NHLRC3: variants seen among roughly 807,000 people sequenced by gnomAD.
NHLRC3 encodes NHL repeat containing 3.
Under a neutral mutation model 32.0 loss-of-function variants are expected in NHLRC3, and 23 were observed. The ratio of observed to expected loss-of-function variants is 0.72; its 90% CI spans 0.52 to 1.02. NHLRC3 has a LOEUF of 1.02. Among genes scored for constraint, NHLRC3 ranks in the 50% least tolerant of loss-of-function variants. The pLI is 0.00. For missense variants in NHLRC3, 407 were observed against 406.8 expected, an observed-to-expected ratio of 1.00 and a Z score of -0.01; for synonymous variants, 159 against 147.9, an observed-to-expected ratio of 1.08 and a Z score of -0.55.
intron 4 of NHLRC3, among the ~76,000 whole-genome samples, chr13:39,043,225 A>G (rs1459302560): frequency 1.5e-5 from 2 of 136,652 alleles, no homozygotes; most frequent in African/African-American, 3.6e-5. Context: ...AAAAAATTGA[A>G]TGAAAGAAAC....
In NHLRC3 at chr13:39,039,203, G is replaced by A. The variant is rs767190032; in HGVS notation, c.152G>A (p.Gly51Asp). The A allele has an allele frequency of 5.6e-6, 9 of 1,613,868 alleles. No homozygotes were observed. Among genetic ancestry groups the A allele is most frequent in the Non-Finnish European group, 7.6e-6 (9 of 1,179,790 alleles). Residue 51 changes from glycine (G) to aspartate (D), a missense_variant, in exon 2 of 7, where the codon GGT (glycine) becomes GAT (aspartate). Gly to Asp is a moderately conservative substitution (Grantham distance 94). Transcript: ENST00000379600. ...AAAATTCTTTACCGGCTGGATGTGG[G>A]TTGGCCTAAGCACCCAGAATATTTT... is the stretch of plus-strand genomic sequence containing the variant. ...TEKILYRLDV[G>D]WPKHPEYFTG...
chr13:39,041,788 A>C, intron 3 of NHLRC3: 1 of 251,936 alleles, frequency 4.0e-6, no homozygotes, highest in South Asian at 6.3e-5. Flanking sequence ...TCAAGGTCAT[A>C]AGATTAAAAA....
At chr13:39,040,668 G>A (rs866985366) in intron 3 of NHLRC3, 9 of 152,284 alleles carry the variant, frequency 5.9e-5, no homozygotes, top group Middle Eastern at 3.4e-3. Flanking sequence ...AGGAAGAAAT[G>A]GGATTATAAA....
At chr13:39,039,942 G>C (rs1352595127) in intron 3 of NHLRC3, 1 of 253,250 alleles carries the variant, frequency 3.9e-6, no homozygotes, top group Non-Finnish European at 7.7e-6. Flanking sequence ...TTGGGAGGCC[G>C]AGGCGGGCGG....
rs772746364 is a variant in NHLRC3, at chr13:39,047,937, CT to C, written c.*12del. ...TCATTTGGTTCATAATGTTTCTTTCCTGGGAATATTTCAAGTGGCAGTTCAG... is the reference window on the plus strand; with the variant it reads ...TCATTTGGTTCATAATGTTTCTTTCCGGGAATATTTCAAGTGGCAGTTCAG... On this transcript the variant is annotated 3_prime_UTR_variant, in exon 7 of 7. Coordinates refer to ENST00000379600, the MANE Select transcript of NHLRC3 (RefSeq NM_001012754.4). The C allele has an allele frequency of 2.5e-6, 4 of 1,581,724 alleles. 1 individual carries two copies. The South Asian group carries it at 4.5e-5, about 18-fold the overall frequency.
chr13:39,040,112 C>G (rs1182007913), intron 3 of NHLRC3: 1 of 151,254 alleles, frequency 6.6e-6, no homozygotes, highest in Non-Finnish European at 1.5e-5. Flanking sequence ...GGCGTGAACC[C>G]GGGAGGCGGA....
At position 39,049,332 on chromosome 13, in the gene NHLRC3, G is replaced by A. The variant is rs1054898997; in HGVS notation, c.*1406G>A. On this transcript the variant is annotated 3_prime_UTR_variant, in exon 7 of 7. Transcript: ENST00000379600. ...GGTAAATCTACCAACAGGAAGCCCT[G>A]TACTCTGTATTCCAAGGCCATTGGT... is the stretch of plus-strand genomic sequence containing the variant. 1 of 152,246 alleles carries A rather than the reference G, an allele frequency of 6.6e-6. No homozygotes were observed. Among genetic ancestry groups the A allele is most frequent in the Non-Finnish European group, 1.5e-5 (1 of 68,052 alleles). The allele number at this position is 152,246 out of a possible 1,614,324, so 9.4% of individuals were successfully genotyped here.
rs1871774272 is a variant in NHLRC3, at chr13:39,048,443, G to A, written c.*517G>A. ...TTTGAGTAGCTTGCAGTCTAGTGGG[G>A]AGACAAGCAGGCAAACAGTCACAAC... On this transcript the variant is annotated 3_prime_UTR_variant, in exon 7 of 7. Transcript: ENST00000379600. The A allele has an allele frequency of 6.6e-6, 1 of 152,362 alleles. No homozygotes were observed. Among genetic ancestry groups the A allele is most frequent in the Non-Finnish European group, 1.5e-5 (1 of 68,212 alleles). The allele number at this position is 152,362 out of a possible 1,614,324, so 9.4% of individuals were successfully genotyped here. A position where few individuals can be genotyped will look rare whatever the true frequency, so the allele number is the denominator to read the frequency against.
intron 5 of NHLRC3, among the ~76,000 whole-genome samples, chr13:39,046,496 C>A (rs147961926): frequency 6.6e-6 from 1 of 152,280 alleles, no homozygotes; most frequent in East Asian, 1.9e-4. Flanking sequence ...TAAAATACCT[C>A]AGGCTTCTTC....
At position 39,048,200 on chromosome 13, in the gene NHLRC3, G is replaced by A; in HGVS notation, c.*274G>A. On this transcript the variant is annotated 3_prime_UTR_variant, in exon 7 of 7. Transcript: ENST00000379600. Reference sequence around the variant, plus strand: ...AGGTGGTAACCTCATTATTTGCCCTGGTAGACTGATTCTCCCTGGGTAAAA... The same window carrying A: ...AGGTGGTAACCTCATTATTTGCCCTAGTAGACTGATTCTCCCTGGGTAAAA... 4.1e-6 allele frequency: 1 copy of A among 242,618 alleles called. No individual in the cohort carries two copies. Among genetic ancestry groups the A allele is most frequent in the Non-Finnish European group, 7.9e-6 (1 of 126,050 alleles). 15.0% of individuals were successfully genotyped at this position (242,618 alleles called of 1,614,324 possible).
rs959604985 is a variant in NHLRC3, at chr13:39,049,974, T to G, written c.*2048T>G. The G allele has an allele frequency of 2.6e-5, 4 of 152,260 alleles. No individual in the cohort carries two copies. Among genetic ancestry groups the G allele is most frequent in the Admixed American group, 2.0e-4 (3 of 15,290 alleles). The allele number at this position is 152,260 out of a possible 1,614,324, so 9.4% of individuals were successfully genotyped here. On this transcript the variant is annotated 3_prime_UTR_variant, in exon 7 of 7. Coordinates refer to ENST00000379600, the MANE Select transcript of NHLRC3 (RefSeq NM_001012754.4). ...TACCTGTGATTATAGTACTTCACTTTTTTCCTTTGGATTAATTGGTTAAAT... is the reference window on the plus strand; with the variant it reads ...TACCTGTGATTATAGTACTTCACTTGTTTCCTTTGGATTAATTGGTTAAAT...
rs919553361 is a variant in NHLRC3 at position 39,045,266 on chromosome 13, A to G, written c.678+1085A>G. Among the ~76,000 whole-genome samples, 6 of 152,226 alleles carry G rather than the reference A, an allele frequency of 3.9e-5. No homozygotes were observed. The South Asian group carries it at 1.2e-3, about 32-fold the overall frequency. Reference sequence around the variant, plus strand: ...AATTGGGAACTGGAAACTTTGAATTAAACTTTTGCACATTATCCTCCTGAG... The same window carrying G: ...AATTGGGAACTGGAAACTTTGAATTGAACTTTTGCACATTATCCTCCTGAG... On this transcript the variant is annotated intron_variant, in intron 5 of 6. Transcript: ENST00000379600.
Position 39,038,674 on chromosome 13 carries a change from GCTT to G in NHLRC3, c.39_41del (p.Phe14del), listed in dbSNP as rs1871307775. 3 of 1,614,186 alleles carry G rather than the reference GCTT, an allele frequency of 1.9e-6. No homozygotes were observed. The African/African-American group carries it at 4.0e-5, about 22-fold the overall frequency. ...TTCTGGGTCTGCGTAGCCGGTGCTG[GCTT>G]CTTTCTTGCATTTTTGGTTTTGCAT... On this transcript the variant is annotated inframe_deletion, in exon 1 of 7. Transcript: ENST00000379600.
chr13:39,045,342 C>T (rs1375577869), intron 5 of NHLRC3, among the ~76,000 whole-genome samples: 1 of 152,074 alleles, frequency 6.6e-6, no homozygotes, highest in Non-Finnish European at 1.5e-5. Context: ...TCAGAACATG[C>T]GAGACCTCGA....
At chr13:39,039,078 C>CCCTT in intron 1 of NHLRC3, 58 bp from the exon 2 acceptor site, 1 of 1,038,072 alleles carries the variant, frequency 9.6e-7, no homozygotes, top group Non-Finnish European at 1.4e-6. Flanking sequence ...CCCCCCCGCC[C>CCCTT]TTTTTTTGTT....
In NHLRC3 at chr13:39,038,595, C is replaced by G. The variant is rs780932583; in HGVS notation, c.-45C>G. 1 of 1,534,546 alleles carries G rather than the reference C, an allele frequency of 6.5e-7. No homozygotes were observed. Among genetic ancestry groups the G allele is most frequent in the Non-Finnish European group, 9.0e-7 (1 of 1,107,084 alleles). ...GCAGCCTGAGGCTGTCAGGTCCTCC[C>G]CCAGACACCTGCGGACCCTCCCTCT... On this transcript the variant is annotated 5_prime_UTR_variant, in exon 1 of 7. Transcript: ENST00000379600.
At position 39,038,586 on chromosome 13, in the gene NHLRC3, A is replaced by C; in HGVS notation, c.-54A>C. 6.9e-6 allele frequency: 10 copies of C among 1,457,518 alleles called. No homozygotes were observed. Among genetic ancestry groups the C allele is most frequent in the Non-Finnish European group, 9.6e-6 (10 of 1,036,828 alleles). 90.3% of individuals were successfully genotyped at this position (1,457,518 alleles called of 1,614,324 possible). On this transcript the variant is annotated 5_prime_UTR_variant, in exon 1 of 7. Transcript: ENST00000379600. Reference sequence around the variant, plus strand: ...CAAACCGTTGCAGCCTGAGGCTGTCAGGTCCTCCCCCAGACACCTGCGGAC... The same window carrying C: ...CAAACCGTTGCAGCCTGAGGCTGTCCGGTCCTCCCCCAGACACCTGCGGAC...
Position 39,048,663 on chromosome 13 carries a change from C to T in NHLRC3, c.*737C>T, listed in dbSNP as rs1871784482. 1 of 152,180 alleles carries T rather than the reference C, an allele frequency of 6.6e-6. No homozygotes were observed. The highest frequency in any genetic ancestry group is 2.4e-5 in the African/African-American group (1 of 41,446). The allele number at this position is 152,180 out of a possible 1,614,324, so 9.4% of individuals were successfully genotyped here. On this transcript the variant is annotated 3_prime_UTR_variant, in exon 7 of 7. Transcript: ENST00000379600. ...GAAGGTATAAAAAGTTAGAAGTGTA[C>T]TGTAAACTTTGATAGGCTTTTAGGC...
chr13:39,047,856 C>A lies in NHLRC3; in HGVS notation c.974C>A (p.Ala325Glu). 1 of 1,613,744 alleles carries A rather than the reference C, an allele frequency of 6.2e-7. No individual in the cohort carries two copies. The highest frequency in any genetic ancestry group is 8.5e-7 in the Non-Finnish European group (1 of 1,179,680). ...AGAAAGACTGGAGCAGTCTATGTAG[C>A]AGAAATTGGAGCAAAACAAGTACAA... ...VDRKTGAVYV[A>E]EIGAKQVQKY... Residue 325 changes from alanine (A) to glutamate (E), a missense_variant, in exon 7 of 7, where the codon GCA (alanine) becomes GAA (glutamate). Transcript: ENST00000379600.
Sources: allele counts gnomAD v4.1 joint callset (sites outside exome capture counted in the v4.1 genomes callset), GRCh38; gene constraint gnomAD v4.1.1; transcripts MANE v1.5; gene names NCBI Gene and HGNC (gene_info 2026-07-23, HGNC 2026-07-21).